Variants in AP3S1 observed in about 807,000 individuals in gnomAD.
The protein encoded by AP3S1 is AP-3 complex subunit sigma-1.
Under a neutral mutation model 21.3 loss-of-function variants are expected in AP3S1, and 12 were observed. That is an observed-to-expected ratio of 0.56 (90% confidence interval 0.36 to 0.91). The LOEUF is 0.91. AP3S1 is among the 40% of genes least tolerant of loss of function. The pLI is 0.01. For missense variants in AP3S1, 116 were observed against 225.0 expected, an observed-to-expected ratio of 0.52 and a Z score of 3.10; for synonymous variants, 48 against 78.4, an observed-to-expected ratio of 0.61 and a Z score of 2.05.
chr5:115,881,785 G>A (rs1358834229), intron 3 of AP3S1, among the ~76,000 whole-genome samples: 1 of 152,176 alleles, frequency 6.6e-6, no homozygotes, highest in African/African-American at 2.4e-5. Context: ...ATAATATCCT[G>A]AAGGGTGTTT....
At chr5:115,891,146 G>A (rs1365704238) in intron 3 of AP3S1, among the ~76,000 whole-genome samples, 1 of 152,032 alleles carries the variant, frequency 6.6e-6, no homozygotes, top group African/African-American at 2.4e-5. Flanking sequence ...TGGGAGTTTG[G>A]GTGGATACTA....
chr5:115,897,153 T>A (rs542815446), intron 4 of AP3S1, among the ~76,000 whole-genome samples: 135 of 152,344 alleles, frequency 8.9e-4, no homozygotes, highest in African/African-American at 3.2e-3. Flanking sequence ...CATTTTAGAA[T>A]ATGTATAGTA....
intron 4 of AP3S1, among the ~76,000 whole-genome samples, chr5:115,895,982 C>A (rs1307259461): frequency 6.6e-6 from 1 of 152,056 alleles, no homozygotes; most frequent in Non-Finnish European, 1.5e-5. Flanking sequence ...GGAAGAGATT[C>A]CACTTTCACT....
At chr5:115,885,977 T>C (rs892797670) in intron 3 of AP3S1, among the ~76,000 whole-genome samples, 3 of 152,208 alleles carry the variant, frequency 2.0e-5, no homozygotes, top group Non-Finnish European at 2.9e-5. Flanking sequence ...TTTTCTGTAT[T>C]TTCCATATTT....
At chr5:115,858,569 A>G (rs1236355014) in intron 1 of AP3S1, among the ~76,000 whole-genome samples, 1 of 151,810 alleles carries the variant, frequency 6.6e-6, no homozygotes, top group East Asian at 1.9e-4. Context: ...TGCTGGAAAC[A>G]TTTCTTCATT....
At position 115,881,372 on chromosome 5, in the gene AP3S1, G is replaced by T. The variant is rs183387467; in HGVS notation, c.273+11244G>T. ...TTTCCATATTTAGTGCTTCCTTCAG[G>T]AGCTCTTGTAAGGCAGGCCTGGTGG... On this transcript the variant is annotated intron_variant, in intron 3 of 5. Transcript: ENST00000316788. Among the ~76,000 whole-genome samples the T allele has an allele frequency of 6.9e-3, 1,057 of 152,162 alleles. 13 individuals are homozygous for T. Among genetic ancestry groups the T allele is most frequent in the African/African-American group, 0.025 (1,029 of 41,514 alleles).
At chr5:115,909,501 C>T (rs1243711103) in intron 5 of AP3S1, among the ~76,000 whole-genome samples, 2 of 152,118 alleles carry the variant, frequency 1.3e-5, no homozygotes, top group Non-Finnish European at 2.9e-5. Flanking sequence ...AAAACATGAT[C>T]ATTCTTTTAT....
chr5:115,873,318 A>G (rs921208212), intron 3 of AP3S1, among the ~76,000 whole-genome samples: 7 of 152,156 alleles, frequency 4.6e-5, no homozygotes, highest in African/African-American at 1.4e-4. Context: ...GTGTTTTGCA[A>G]AATTTTTTAT....
intron 5 of AP3S1, among the ~76,000 whole-genome samples, chr5:115,909,833 A>G (rs781383323): frequency 6.6e-6 from 1 of 152,200 alleles, no homozygotes; most frequent in African/African-American, 2.4e-5. Flanking sequence ...GAAACTGTGT[A>G]TACTACTGAA....
At chr5:115,886,173 C>T (rs1028094001) in intron 3 of AP3S1, among the ~76,000 whole-genome samples, 1 of 152,126 alleles carries the variant, frequency 6.6e-6, no homozygotes, top group South Asian at 2.1e-4. Context: ...GGGATTACTG[C>T]AAAGGCTCAA....
intron 1 of AP3S1, among the ~76,000 whole-genome samples, chr5:115,851,567 T>C (rs1297942082): frequency 1.3e-5 from 2 of 152,174 alleles, no homozygotes; most frequent in African/African-American, 4.8e-5. Flanking sequence ...CTTTAGTGAC[T>C]AGTGCTGTTG....
At chr5:115,848,043 G>T (rs1160840922) in intron 1 of AP3S1, among the ~76,000 whole-genome samples, 1 of 152,070 alleles carries the variant, frequency 6.6e-6, no homozygotes, top group Non-Finnish European at 1.5e-5. Context: ...AGTCTTCAAA[G>T]TTAAAATGAT....
intron 1 of AP3S1, among the ~76,000 whole-genome samples, chr5:115,848,422 G>A (rs1208881992): frequency 6.6e-6 from 1 of 152,166 alleles, no homozygotes; most frequent in Non-Finnish European, 1.5e-5. Context: ...ATATGTTAAT[G>A]TTCAGCCACT....
At chr5:115,898,203 G>A (rs1750922704) in intron 4 of AP3S1, among the ~76,000 whole-genome samples, 1 of 152,146 alleles carries the variant, frequency 6.6e-6, no homozygotes, top group Non-Finnish European at 1.5e-5. Context: ...GCTTTTCAGG[G>A]TATCACAGAT....
At chr5:115,845,538 C>T (rs991737974) in intron 1 of AP3S1, among the ~76,000 whole-genome samples, 1 of 151,982 alleles carries the variant, frequency 6.6e-6, no homozygotes. Flanking sequence ...TCAGACATTA[C>T]GAATTCAAGT....
At chr5:115,843,048 T>G (rs1325303747) in intron 1 of AP3S1, among the ~76,000 whole-genome samples, 2 of 152,206 alleles carry the variant, frequency 1.3e-5, no homozygotes, top group African/African-American at 2.4e-5. Flanking sequence ...GTAGTAGAGA[T>G]AAGTGATTTG....
intron 4 of AP3S1, among the ~76,000 whole-genome samples, chr5:115,896,960 G>A (rs1247309311): frequency 6.6e-6 from 1 of 151,980 alleles, no homozygotes; most frequent in East Asian, 1.9e-4. Context: ...TTTTTTACTA[G>A]AGAAAGAGAA....
At chr5:115,865,408 A>G (rs149676293) in intron 1 of AP3S1, among the ~76,000 whole-genome samples, 3 of 152,266 alleles carry the variant, frequency 2.0e-5, no homozygotes, top group East Asian at 1.9e-4. Context: ...TAACTGCCAC[A>G]TTGTTCAAGG....
At chr5:115,889,811 A>T (rs1477678957) in intron 3 of AP3S1, among the ~76,000 whole-genome samples, 1 of 100,416 alleles carries the variant, frequency 1.0e-5, no homozygotes, top group Non-Finnish European at 2.3e-5. Context: ...CCATGTCTTT[A>T]AAAAAAAATG....
Sources: gnomAD v4.1 joint callset for allele counts (sites outside exome capture counted in the v4.1 genomes callset) on GRCh38, gnomAD v4.1.1 for gene constraint, MANE v1.5 for transcripts, NCBI Gene and HGNC (gene_info 2026-07-23, HGNC 2026-07-21) for gene names.